Variants in NKAIN2 observed in about 807,000 individuals in gnomAD.
NKAIN2 encodes the protein sodium/potassium transporting ATPase interacting 2.
A neutral mutation model predicts 32.6 loss-of-function variants in NKAIN2; 14 were observed. The observed-to-expected ratio is 0.43, with a 90% CI of 0.28 to 0.67. The LOEUF (loss-of-function observed/expected upper bound fraction) is 0.67. Among genes scored for constraint, NKAIN2 ranks in the 30% least tolerant of loss-of-function variants. The pLI is 0.17. For synonymous variants in NKAIN2, 80 were observed against 87.2 expected (o/e 0.92, Z 0.46); for missense variants, 198 against 258.3 (o/e 0.77, Z 1.60).
chr6:124,634,332 C>CTGAT (rs1783689218), intron 3 of NKAIN2, among the ~76,000 whole-genome samples: 1 of 152,046 alleles, frequency 6.6e-6, no homozygotes. Flanking sequence ...CATGAGAACA[C>CTGAT]TGATAGACAA....
intron 1 of NKAIN2, chr6:123,829,233 T>A (rs760605201): frequency 1.3e-5 from 2 of 152,184 alleles, no homozygotes; most frequent in Non-Finnish European, 2.9e-5. Context: ...CTAACATTTT[T>A]TTATTATCAC....
At chr6:124,101,083 G>T (rs1784866721) in intron 1 of NKAIN2, among the ~76,000 whole-genome samples, 2 of 152,140 alleles carry the variant, frequency 1.3e-5, no homozygotes, top group Admixed American at 1.3e-4. Context: ...ACCCAACAAT[G>T]CATGGTAAAG....
intron 4 of NKAIN2, among the ~76,000 whole-genome samples, chr6:124,662,425 C>T (rs1039115565): frequency 6.6e-6 from 1 of 152,058 alleles, no homozygotes; most frequent in Non-Finnish European, 1.5e-5. Context: ...ATATCTGGTA[C>T]CTGGTTCATA....
At chr6:124,234,617 C>T (rs568245756) in intron 1 of NKAIN2, among the ~76,000 whole-genome samples, 1 of 152,112 alleles carries the variant, frequency 6.6e-6, no homozygotes, top group Non-Finnish European at 1.5e-5. Context: ...TCTGTATGTA[C>T]TGATAAAATA....
chr6:124,355,805 G>A (rs1798943845), intron 3 of NKAIN2, among the ~76,000 whole-genome samples: 1 of 152,164 alleles, frequency 6.6e-6, no homozygotes, highest in Non-Finnish European at 1.5e-5. Context: ...TTATAGAAAT[G>A]AATACAATCA....
chr6:124,656,961 A>G (rs1470900254), intron 3 of NKAIN2, among the ~76,000 whole-genome samples: 1 of 152,158 alleles, frequency 6.6e-6, no homozygotes, highest in Non-Finnish European at 1.5e-5. Context: ...AGATACTTTG[A>G]AGCTTTTCTC....
intron 4 of NKAIN2, among the ~76,000 whole-genome samples, chr6:124,721,706 C>T (rs1776027893): frequency 1.3e-5 from 2 of 152,180 alleles, no homozygotes; most frequent in African/African-American, 4.8e-5. Flanking sequence ...ACCCCCACTT[C>T]CTTTCACAGC....
chr6:124,781,974 C>G (rs1779289739), intron 4 of NKAIN2, among the ~76,000 whole-genome samples: 1 of 152,098 alleles, frequency 6.6e-6, no homozygotes, highest in Non-Finnish European at 1.5e-5. Flanking sequence ...TACCTTCACT[C>G]CCATTCATCT....
chr6:124,569,959 G>A (rs1781063307), intron 3 of NKAIN2, among the ~76,000 whole-genome samples: 1 of 152,224 alleles, frequency 6.6e-6, no homozygotes, highest in African/African-American at 2.4e-5. Context: ...CCAAAATGCT[G>A]ATAGTGATAT....
At chr6:124,468,792 G>GTTTTC (rs1776860556) in intron 3 of NKAIN2, among the ~76,000 whole-genome samples, 1 of 152,170 alleles carries the variant, frequency 6.6e-6, no homozygotes, top group Non-Finnish European at 1.5e-5. Flanking sequence ...TTGAGGCAGA[G>GTTTTC]TACAGTTGTG....
rs146480187 is a variant in NKAIN2, at chr6:123,936,829, A to C, written c.54+132575A>C. Among the ~76,000 whole-genome samples, 1,373 of 152,264 alleles carry C rather than the reference A, an allele frequency of 9.0e-3. 12 individuals carry two copies. The highest frequency in any genetic ancestry group is 0.017 in the Middle Eastern group (5 of 294). On this transcript the variant is annotated intron_variant, in intron 1 of 6. Transcript: ENST00000368417. ...GGATAACAAAATGAATTAATATTAC[A>C]GTACATGGTGTTCAATACTATTATT...
intron 1 of NKAIN2, among the ~76,000 whole-genome samples, chr6:123,979,489 A>G (rs907647069): frequency 3.9e-5 from 6 of 152,184 alleles, no homozygotes; most frequent in Admixed American, 6.5e-5. Flanking sequence ...TCCATTAGGC[A>G]TTAAATGAAG....
At chr6:124,250,192 A>G (rs1793630608) in intron 1 of NKAIN2, among the ~76,000 whole-genome samples, 1 of 152,106 alleles carries the variant, frequency 6.6e-6, no homozygotes, top group Non-Finnish European at 1.5e-5. Context: ...CTCACCAAAC[A>G]TTAGATCTGC....
chr6:124,437,762 A>G (rs558890825), intron 3 of NKAIN2, among the ~76,000 whole-genome samples: 2 of 152,020 alleles, frequency 1.3e-5, no homozygotes, highest in Non-Finnish European at 2.9e-5. Flanking sequence ...GAGGTTAGGG[A>G]AGTAGTCTAG....
At chr6:124,680,640 G>C (rs1406195966) in intron 4 of NKAIN2, among the ~76,000 whole-genome samples, 1 of 151,968 alleles carries the variant, frequency 6.6e-6, no homozygotes, top group Admixed American at 6.6e-5. Context: ...CTGTATATAT[G>C]CATATGAAAA....
At chr6:124,122,653 T>C (rs1785938829) in intron 1 of NKAIN2, among the ~76,000 whole-genome samples, 2 of 152,118 alleles carry the variant, frequency 1.3e-5, no homozygotes, top group South Asian at 2.1e-4. Flanking sequence ...TCAAATTTCA[T>C]AGTATTTCTG....
intron 1 of NKAIN2, among the ~76,000 whole-genome samples, chr6:123,813,542 T>A (rs186368698): frequency 6.0e-5 from 9 of 149,956 alleles, no homozygotes; most frequent in Non-Finnish European, 1.0e-4. Flanking sequence ...CCAGGTGTGA[T>A]GGCTCATGCC....
chr6:124,793,284 G>A (rs1351151670), intron 5 of NKAIN2, among the ~76,000 whole-genome samples: 1 of 152,142 alleles, frequency 6.6e-6, no homozygotes, highest in Non-Finnish European at 1.5e-5. Flanking sequence ...CACAGGTTGA[G>A]TTTGAGGTAC....
intron 2 of NKAIN2, among the ~76,000 whole-genome samples, chr6:124,317,862 C>A (rs1403668180): frequency 6.6e-6 from 1 of 152,030 alleles, no homozygotes; most frequent in African/African-American, 2.4e-5. Context: ...AATAACTCCA[C>A]CAAATATGCC....
Sources: gnomAD v4.1 joint callset for allele counts (sites outside exome capture counted in the v4.1 genomes callset) on GRCh38, gnomAD v4.1.1 for gene constraint, MANE v1.5 for transcripts, NCBI Gene and HGNC (gene_info 2026-07-23, HGNC 2026-07-21) for gene names.